Variants in DTL observed in about 807,000 individuals in gnomAD.
DTL encodes the protein denticleless E3 ubiquitin protein ligase adapter.
DTL carries 46 observed loss-of-function variants against 87.0 expected under a neutral mutation model. The observed-to-expected ratio is 0.53, with a 90% CI of 0.42 to 0.68. DTL has a LOEUF of 0.68. DTL is among the 30% of genes least tolerant of loss of function. The pLI is 0.00. For synonymous variants in DTL, 308 were observed against 311.2 expected, an observed-to-expected ratio of 0.99 and a Z score of 0.11; for missense variants, 737 against 869.4, an observed-to-expected ratio of 0.85 and a Z score of 1.91.
chr1:212,054,237 A>G (rs1668091934), intron 5 of DTL, among the ~76,000 whole-genome samples: 1 of 152,042 alleles, frequency 6.6e-6, no homozygotes, highest in Admixed American at 6.6e-5. Context: ...CCCTTTCTCT[A>G]GCTGTCTCCA....
At chr1:212,066,958 C>T (rs544738351) in intron 8 of DTL, 73 bp downstream of exon 8, 2 of 1,256,860 alleles carry the variant, frequency 1.6e-6, no homozygotes, top group Non-Finnish European at 2.3e-6. Context: ...CACATAGTCT[C>T]ATTATAATTG....
intron 9 of DTL, 112 bp from the exon 10 acceptor site, chr1:212,068,487 C>A: frequency 1.2e-6 from 1 of 858,168 alleles, no homozygotes; most frequent in Non-Finnish European, 1.8e-6. Flanking sequence ...ATTTTGGGGA[C>A]AAAGAATTCT....
intron 11 of DTL, 129 bp from the exon 12 acceptor site, chr1:212,078,044 T>A: frequency 1.9e-6 from 1 of 513,614 alleles, no homozygotes; most frequent in African/African-American, 2.0e-5. Context: ...TTCCTAACTA[T>A]AGCTAGGCAG....
intron 13 of DTL, among the ~76,000 whole-genome samples, chr1:212,085,194 T>TATAGAG (rs1182866082): frequency 1.3e-5 from 2 of 152,192 alleles, no homozygotes; most frequent in African/African-American, 2.4e-5. Flanking sequence ...GAACTCAAGA[T>TATAGAG]ATAGAGAGTC....
In DTL at chr1:212,047,402, T is replaced by C. The variant is rs757437369; in HGVS notation, c.445T>C (p.Ser149Pro). Residue 149 changes from serine (S) to proline (P), a missense_variant, in exon 5 of 15, where the codon TCT (serine) becomes CCT (proline). Coordinates refer to ENST00000366991, the MANE Select transcript of DTL (RefSeq NM_016448.4). ...ATGCAGCCTCAAGTCAGTTGCCTTT[T>C]CTAAGTTTGAGAAAGGTAGGTTTGT... ...HQCSLKSVAF[S>P]KFEKAVFCTG... The C allele has an allele frequency of 6.2e-7, 1 of 1,614,224 alleles. No homozygotes were observed. Among genetic ancestry groups the C allele is most frequent in the East Asian group, 2.2e-5 (1 of 44,890 alleles).
At chr1:212,085,762 T>C (rs887748952) in intron 13 of DTL, among the ~76,000 whole-genome samples, 2 of 152,244 alleles carry the variant, frequency 1.3e-5, no homozygotes, top group Admixed American at 1.3e-4. Context: ...TCTAGTTTTT[T>C]AGTTTAGGCC....
intron 13 of DTL, among the ~76,000 whole-genome samples, chr1:212,095,298 A>G (rs1218351948): frequency 2.0e-5 from 3 of 152,172 alleles, no homozygotes; most frequent in Admixed American, 2.0e-4. Flanking sequence ...TGTTTTCATC[A>G]TAAAGGGATG....
chr1:212,045,439 G>A (rs1477269076), intron 3 of DTL, among the ~76,000 whole-genome samples: 5 of 152,184 alleles, frequency 3.3e-5, no homozygotes, highest in African/African-American at 9.7e-5. Context: ...TTAGAGAAGT[G>A]TTGCTTTAAA....
intron 1 of DTL, among the ~76,000 whole-genome samples, chr1:212,039,799 G>T (rs1185751573): frequency 6.6e-6 from 1 of 152,198 alleles, no homozygotes; most frequent in Non-Finnish European, 1.5e-5. Flanking sequence ...CATAGAAAAG[G>T]TTCAGTAAAA....
Position 212,064,873 on chromosome 1 carries a change from A to G in DTL, c.527-44A>G, listed in dbSNP as rs766139696. 3 of 1,462,768 alleles carry G rather than the reference A, an allele frequency of 2.1e-6. No individual in the cohort carries two copies. The South Asian group carries it at 3.4e-5, about 17-fold the overall frequency. The allele number at this position is 1,462,768 out of a possible 1,614,324, so 90.6% of individuals were successfully genotyped here. ...TTTATTTACACATGTTATATTCAGC[A>G]TGTAAGAATCCTGAAACCTAAATTT... On this transcript the variant is annotated intron_variant, in intron 6 of 14. Transcript: ENST00000366991.
intron 13 of DTL, among the ~76,000 whole-genome samples, chr1:212,092,432 A>T (rs1655311913): frequency 6.6e-6 from 1 of 152,086 alleles, no homozygotes. Context: ...TGGGAGGCTG[A>T]GTCAGGAGAA....
At chr1:212,083,516 T>C (rs895216334) in intron 13 of DTL, among the ~76,000 whole-genome samples, 7 of 152,012 alleles carry the variant, frequency 4.6e-5, no homozygotes, top group African/African-American at 1.4e-4. Context: ...GGAAAATAAG[T>C]GGTGATGAGT....
intron 11 of DTL, among the ~76,000 whole-genome samples, chr1:212,075,047 A>G (rs1244361281): frequency 6.6e-6 from 1 of 152,202 alleles, no homozygotes; most frequent in African/African-American, 2.4e-5. Context: ...GTGGTTATAA[A>G]TAAACTGATT....
At chr1:212,076,844 G>A (rs1654846209) in intron 11 of DTL, among the ~76,000 whole-genome samples, 1 of 152,164 alleles carries the variant, frequency 6.6e-6, no homozygotes, top group African/African-American at 2.4e-5. Context: ...GTAGGAGTAG[G>A]CAGTAAGTGA....
At position 212,100,354 on chromosome 1, in the gene DTL, C is replaced by T; in HGVS notation, c.1364C>T (p.Ala455Val). Reference protein sequence around the residue: ...PSSAACAPSCAGDLPLPSNTP... With the variant: ...PSSAACAPSCVGDLPLPSNTP... ...TCCGCAGCTTGTGCCCCAAGCTGTG[C>T]TGGAGACCTCCCTCTTCCTTCAAAT... Residue 455 changes from alanine to valine, a missense_variant, in exon 14 of 15, where the codon GCT (alanine) becomes GTT (valine). Coordinates refer to ENST00000366991, the MANE Select transcript of DTL (RefSeq NM_016448.4). The T allele has an allele frequency of 6.2e-7, 1 of 1,613,972 alleles. No individual in the cohort carries two copies. Among genetic ancestry groups the T allele is most frequent in the Non-Finnish European group, 8.5e-7 (1 of 1,179,966 alleles).
intron 5 of DTL, among the ~76,000 whole-genome samples, chr1:212,050,584 A>G (rs1667942235): frequency 6.6e-6 from 1 of 152,156 alleles, no homozygotes; most frequent in Non-Finnish European, 1.5e-5. Flanking sequence ...ATTTTTTCAA[A>G]GTTCCTCAAG....
chr1:212,050,690 T>C (rs1667944468), intron 5 of DTL, among the ~76,000 whole-genome samples: 1 of 150,660 alleles, frequency 6.6e-6, no homozygotes, highest in African/African-American at 2.4e-5. Context: ...ATCTTCAAGT[T>C]CTCCCTCTCT....
rs1257854980 is a variant in DTL at position 212,044,742 on chromosome 1, A to G, written c.261A>G (p.Arg87=). ...ATAACACAGAATCACAAAGTTTCAG[A>G]AAGAAGTGCTTCAAAGGTAAGTCTA... ...RLYNTESQSF[R]KKCFKEWMAH... Residue 87 remains arginine (R), a synonymous_variant, in exon 3 of 15, where the codon AGA becomes AGG. Transcript: ENST00000366991. 13 of 1,611,914 alleles carry G rather than the reference A, an allele frequency of 8.1e-6. No homozygotes were observed. Among genetic ancestry groups the G allele is most frequent in the African/African-American group, 1.3e-5 (1 of 74,872 alleles).
chr1:212,102,846 C>CCATCA lies in DTL; in HGVS notation c.2101_2105dup (p.Pro703SerfsTer6). The CCATCA allele has an allele frequency of 6.2e-7, 1 of 1,607,010 alleles. No homozygotes were observed. The highest frequency in any genetic ancestry group is 1.1e-5 in the South Asian group (1 of 90,550). ...ATCTAAACTTTCTTCTTCTAGGTCA[C>CCATCA]CATCACGCCCAGCTCCATGAGGAAA... On this transcript the variant is annotated frameshift_variant, in exon 15 of 15. Coordinates refer to ENST00000366991, the MANE Select transcript of DTL (RefSeq NM_016448.4). LOFTEE classifies it high-confidence loss of function.
Sources: allele counts gnomAD v4.1 joint callset (sites outside exome capture counted in the v4.1 genomes callset), GRCh38; gene constraint gnomAD v4.1.1; transcripts MANE v1.5; gene names NCBI Gene and HGNC (gene_info 2026-07-23, HGNC 2026-07-21).